KAZN: variants seen among roughly 807,000 people sequenced by gnomAD.
KAZN encodes the protein kazrin.
A neutral mutation model predicts 87.4 loss-of-function variants in KAZN; 40 were observed. The observed-to-expected ratio is 0.46, with a 90% CI of 0.36 to 0.60. The LOEUF (loss-of-function observed/expected upper bound fraction) is 0.60, where lower values mean the gene tolerates loss of function less well. Ranked by LOEUF, KAZN falls within the 20% of genes least tolerant of loss-of-function variation. KAZN has a pLI of 0.00. For missense variants in KAZN, 898 were observed against 1,073.9 expected, an observed-to-expected ratio of 0.84 and a Z score of 2.29; for synonymous variants, 466 against 458.3, an observed-to-expected ratio of 1.02 and a Z score of -0.22.
chr1:14,256,227 C>G (rs1650501800), intron 2 of KAZN, among the ~76,000 whole-genome samples: 1 of 152,166 alleles, frequency 6.6e-6, no homozygotes, highest in Admixed American at 6.5e-5. Flanking sequence ...GAGATTCTTG[C>G]AAATGGTATT....
Position 13,910,518 on chromosome 1 carries a change from G to C in KAZN, c.91+16762G>C, listed in dbSNP as rs1165028278. ...TGAGACTCTGTCTAAAAAAAAAAAAGTGTGTGTGACACCTCCCCCACCTTG... is the reference window on the plus strand; with the variant it reads ...TGAGACTCTGTCTAAAAAAAAAAAACTGTGTGTGACACCTCCCCCACCTTG... On this transcript the variant is annotated intron_variant, in intron 1 of 16. Coordinates refer to the KAZN transcript ENST00000636203. 6.0e-5 allele frequency among the ~76,000 whole-genome samples: 9 copies of C among 150,266 alleles called. 1 individual carries two copies. The South Asian group carries it at 1.7e-3, about 28-fold the overall frequency.
chr1:15,031,225 C>G (rs1671661558), intron 2 of KAZN, among the ~76,000 whole-genome samples: 1 of 152,220 alleles, frequency 6.6e-6, no homozygotes, highest in South Asian at 2.1e-4. Flanking sequence ...TCAGACATGG[C>G]TGCGTGATTT....
rs527783153 is a variant in KAZN at position 14,598,703 on chromosome 1, G to T, written c.-295G>T. ...CGGTGTCCTTCTTGGAGCAGCTCTC[G>T]GCGCCCGCCCGCCGGGGTCTCGGCG... is the stretch of plus-strand genomic sequence containing the variant. On this transcript the variant is annotated 5_prime_UTR_variant, in exon 1 of 15. Coordinates refer to ENST00000376030, the MANE Select transcript of KAZN (RefSeq NM_201628.3). This position sits in a 1 kb window ranked among gnomAD's most constrained non-coding sequence, Gnocchi z 4.2. 7.6e-7 allele frequency: 1 copy of T among 1,312,012 alleles called. No homozygotes were observed. Among genetic ancestry groups the T allele is most frequent in the African/African-American group, 1.6e-5 (1 of 64,156 alleles). 81.3% of individuals were successfully genotyped at this position (1,312,012 alleles called of 1,614,324 possible).
intron 2 of KAZN, among the ~76,000 whole-genome samples, chr1:14,478,249 A>AG (rs1553178122): frequency 4.8e-4 from 49 of 101,494 alleles, no homozygotes; most frequent in African/African-American, 2.0e-3. Flanking sequence ...AGGAAGGAAA[A>AG]GAAGGAAGGA....
At position 14,365,919 on chromosome 1, in the gene KAZN, C is replaced by T. The variant is rs1012362356; in HGVS notation, c.249+185327C>T. ...TGCTAATAATAACGACTCAAAATTT[C>T]GCCTTGCCCAGCAGATCTTTCTGAT... On this transcript the variant is annotated intron_variant, in intron 2 of 16. Coordinates refer to the KAZN transcript ENST00000636203. Among the ~76,000 whole-genome samples the T allele has an allele frequency of 9.2e-5, 14 of 152,202 alleles. No homozygotes were observed. In the East Asian group the frequency reaches 1.9e-3, roughly 21 times the overall value.
chr1:14,605,830 T>A (rs1677314550), intron 1 of KAZN, among the ~76,000 whole-genome samples: 1 of 152,018 alleles, frequency 6.6e-6, no homozygotes, highest in African/African-American at 2.4e-5. Context: ...GGAAACTGAG[T>A]CTCAGAGAAA....
chr1:14,087,138 T>C lies in KAZN; in HGVS notation c.92-93297T>C, dbSNP rs1353988019. On this transcript the variant is annotated intron_variant, in intron 1 of 16. Coordinates refer to the KAZN transcript ENST00000636203. ...CTAGTCAATGAGCATATGATGTATC[T>C]CTCCATTTATTTAGGTTGTTTTAAG... Among the ~76,000 whole-genome samples the C allele has an allele frequency of 2.0e-5, 3 of 152,294 alleles. No individual in the cohort carries two copies. In the East Asian group the frequency reaches 5.8e-4, roughly 29 times the overall value.
intron 2 of KAZN, among the ~76,000 whole-genome samples, chr1:14,532,786 C>T (rs895020456): frequency 1.3e-5 from 2 of 151,898 alleles, no homozygotes; most frequent in African/African-American, 4.8e-5. Context: ...CATGTCCCTA[C>T]AAAGGACATG....
rs1293964559 is a variant in KAZN, at chr1:14,923,845, G to A, written c.227-36839G>A. 6.6e-6 allele frequency among the ~76,000 whole-genome samples: 1 copy of A among 152,238 alleles called. No individual in the cohort carries two copies. The highest frequency in any genetic ancestry group is 2.4e-5 in the African/African-American group (1 of 41,470). ...AGAGGAGAGAGACACAGCAAAGTGGGGTGCCAGGCAGAGGCCAGGGGCTTT... is the reference window on the plus strand; with the variant it reads ...AGAGGAGAGAGACACAGCAAAGTGGAGTGCCAGGCAGAGGCCAGGGGCTTT... On this transcript the variant is annotated intron_variant, in intron 1 of 14. Coordinates refer to ENST00000376030, the MANE Select transcript of KAZN (RefSeq NM_201628.3). The surrounding 1 kb of genome is among the most constrained non-coding windows in gnomAD (Gnocchi z 4.2).
At chr1:14,802,559 G>T (rs1284579315) in intron 1 of KAZN, among the ~76,000 whole-genome samples, 2 of 152,116 alleles carry the variant, frequency 1.3e-5, no homozygotes, top group Non-Finnish European at 2.9e-5. Flanking sequence ...CCTACTATAT[G>T]CACGGAACAG....
intron 1 of KAZN, among the ~76,000 whole-genome samples, chr1:14,722,974 A>T (rs1177585730): frequency 6.6e-6 from 1 of 152,006 alleles, no homozygotes; most frequent in Non-Finnish European, 1.5e-5. Flanking sequence ...TTTTTTTAAA[A>T]ACTTAGCTGG....
At chr1:15,084,213 C>G (rs993717678) in intron 8 of KAZN, among the ~76,000 whole-genome samples, 19 of 152,174 alleles carry the variant, frequency 1.2e-4, no homozygotes, top group African/African-American at 4.6e-4. Context: ...TCTCCATATA[C>G]CAGGCCCTGG....
chr1:14,476,863 G>A (rs75969801), intron 2 of KAZN, among the ~76,000 whole-genome samples: 66 of 152,150 alleles, frequency 4.3e-4, no homozygotes, highest in Non-Finnish European at 7.9e-4. Flanking sequence ...TAGCCGTGGC[G>A]ATACCTTTTT....
chr1:14,824,141 TC>T (rs1345611709), intron 1 of KAZN, among the ~76,000 whole-genome samples: 6 of 144,348 alleles, frequency 4.2e-5, no homozygotes, highest in Admixed American at 2.1e-4. Flanking sequence ...AGGTTAAAAA[TC>T]CCAGGGAGGA....
intron 3 of KAZN, among the ~76,000 whole-genome samples, chr1:15,037,547 A>G (rs1233905861): frequency 3.9e-5 from 6 of 152,162 alleles, no homozygotes; most frequent in Non-Finnish European, 8.8e-5. Flanking sequence ...TTCCCGGGGC[A>G]TGGAAAGCAA....
intron 1 of KAZN, among the ~76,000 whole-genome samples, chr1:14,785,488 G>A (rs144961956): frequency 1.3e-3 from 194 of 152,146 alleles, no homozygotes; most frequent in Non-Finnish European, 2.0e-3. Context: ...TTCCTCTGGC[G>A]CTGTAGAAAA....
At chr1:14,189,031 G>T (rs539542866) in intron 2 of KAZN, among the ~76,000 whole-genome samples, 1 of 152,228 alleles carries the variant, frequency 6.6e-6, no homozygotes, top group African/African-American at 2.4e-5. Context: ...TTGAGGCATG[G>T]TGTTGCTAAG....
chr1:14,845,124 GGTGGATGA>G (rs1298749643), intron 1 of KAZN, among the ~76,000 whole-genome samples: 1 of 151,776 alleles, frequency 6.6e-6, no homozygotes, highest in Non-Finnish European at 1.5e-5. Flanking sequence ...TGGGTGAGTG[GGTGGATGA>G]GTGGATGATG....
chr1:14,962,990 G>A (rs1664061620), intron 2 of KAZN, among the ~76,000 whole-genome samples: 1 of 152,134 alleles, frequency 6.6e-6, no homozygotes, highest in African/African-American at 2.4e-5. Context: ...ATTAACAGTG[G>A]CTTTGCAGGA....
Sources: gnomAD v4.1 joint callset for allele counts (sites outside exome capture counted in the v4.1 genomes callset) on GRCh38, gnomAD v4.1.1 for gene constraint, Gnocchi (gnomAD v3.1) non-coding constraint, MANE v1.5 for transcripts, NCBI Gene and HGNC (gene_info 2026-07-23, HGNC 2026-07-21) for gene names.